The following IDI1 variants were observed in gnomAD, a reference collection of about 807,000 sequenced individuals.
IDI1 encodes the protein isopentenyl-diphosphate delta isomerase 1.
IDI1 carries 23 observed loss-of-function variants against 32.9 expected under a neutral mutation model. That is an observed-to-expected ratio of 0.70 (90% confidence interval 0.50 to 0.99). IDI1 has a LOEUF of 0.99. Ranked by LOEUF, IDI1 falls within the 50% of genes least tolerant of loss-of-function variation. The probability of loss-of-function intolerance (pLI) is 0.00; values close to 1 mark genes in which losing one functional copy is unlikely to be tolerated. For synonymous variants in IDI1, 133 were observed against 128.2 expected, an observed-to-expected ratio of 1.04 and a Z score of -0.25; for missense variants, 326 against 351.9, an observed-to-expected ratio of 0.93 and a Z score of 0.59.
At position 1,048,868 on chromosome 10, in the gene IDI1, T is replaced by C; in HGVS notation, c.136A>G (p.Ile46Val). 1 of 1,606,386 alleles carries C rather than the reference T, an allele frequency of 6.2e-7. No individual in the cohort carries two copies. The highest frequency in any genetic ancestry group is 1.1e-5 in the South Asian group (1 of 90,766). ...TCCGCCGCCCGTCCACAGTACCTGATCAGCCTCCGGCCACAGACAACCGCC... is the reference window on the plus strand; with the variant it reads ...TCCGCCGCCCGTCCACAGTACCTGACCAGCCTCCGGCCACAGACAACCGCC... ...GPAVVCGRRL[I>V]SVLEQIRHFV... The change falls in exon 1 of 5, where the codon ATC becomes GTC. Residue 46 changes from isoleucine (I) to valine (V), a missense_variant. Physicochemically the swap from Ile to Val is conservative, Grantham distance 29. Around this residue, in one of 2 missense-constraint regions of IDI1, gnomAD observed 121 missense variants for 78.4 expected, o/e 1.54. Transcript: ENST00000381344.
chr10:1,056,672 G>T, the IDI1 span: 10 of 152,266 alleles, frequency 6.6e-5, no homozygotes, highest in Admixed American at 3.3e-4. Context: ...TCTTCAGCGC[G>T]CCCAGACCCC....
At chr10:1,051,791 G>A (rs2131589688), upstream of IDI1, among the ~76,000 whole-genome samples, 1 of 152,346 alleles carries the variant, frequency 6.6e-6, no homozygotes, top group East Asian at 1.9e-4. Context: ...TGGGGTGGCT[G>A]TTGCAGTTTC....
At chr10:1,044,227 A>T in intron 1 of IDI1, 56 bp from the exon 2 acceptor site, 1 of 1,347,700 alleles carries the variant, frequency 7.4e-7, no homozygotes, top group South Asian at 1.2e-5. Context: ...TGAATGTCAT[A>T]TAAACACAGG....
upstream of IDI1, among the ~76,000 whole-genome samples, chr10:1,051,831 C>T (rs866965145): frequency 6.6e-6 from 1 of 152,150 alleles, no homozygotes; most frequent in South Asian, 2.1e-4. Flanking sequence ...AAATTTGTCA[C>T]GTTGATTGAC....
intron 4 of IDI1, chr10:1,042,423 A>G (rs1022303414): frequency 3.8e-6 from 2 of 528,048 alleles, no homozygotes; most frequent in Non-Finnish European, 6.9e-6. Flanking sequence ...TAACAGATCA[A>G]TCCATCCCCG....
chr10:1,052,189 A>G (rs373271088), upstream of IDI1, among the ~76,000 whole-genome samples: 9 of 152,346 alleles, frequency 5.9e-5, no homozygotes, highest in South Asian at 8.3e-4. Context: ...TTCCAAAGTT[A>G]GAGTCAATCC....
chr10:1,051,248 T>G (rs1471265484), upstream of IDI1, among the ~76,000 whole-genome samples: 1 of 152,216 alleles, frequency 6.6e-6, no homozygotes, highest in Non-Finnish European at 1.5e-5. Context: ...TCAGAAAAGT[T>G]TTTAAGTATT....
At chr10:1,045,123 T>C (rs934912232) in intron 1 of IDI1, among the ~76,000 whole-genome samples, 3 of 152,264 alleles carry the variant, frequency 2.0e-5, no homozygotes, top group African/African-American at 7.2e-5. Flanking sequence ...CTATAGGCCA[T>C]AGTTGGCCCA....
At chr10:1,043,863 CTATT>C (rs1287080232) in intron 2 of IDI1, 132 bp downstream of exon 2, 3 of 721,112 alleles carry the variant, frequency 4.2e-6, no homozygotes, top group South Asian at 1.7e-5. Flanking sequence ...AATGACCACA[CTATT>C]TAACGAACTG....
chr10:1,048,002 AGACTTTTTGACAT>A (rs1832847231), intron 1 of IDI1, among the ~76,000 whole-genome samples: 1 of 152,250 alleles, frequency 6.6e-6, no homozygotes, highest in African/African-American at 2.4e-5. Flanking sequence ...CATAATTACT[AGACTTTTTGACAT>A]GACTTTTTTT....
At chr10:1,053,017 T>A (rs1833053573), upstream of IDI1, among the ~76,000 whole-genome samples, 1 of 152,236 alleles carries the variant, frequency 6.6e-6, no homozygotes, top group Admixed American at 6.5e-5. Flanking sequence ...TGCACATTTT[T>A]TTTTTTGAGA....
chr10:1,044,235 A>G, intron 1 of IDI1, 64 bp from the exon 2 acceptor site: 1 of 1,253,122 alleles, frequency 8.0e-7, no homozygotes, highest in Non-Finnish European at 1.1e-6. Flanking sequence ...ATATAAACAC[A>G]GGTTAATAAT....
At position 1,041,019 on chromosome 10, in the gene IDI1, T is replaced by C. The variant is rs202243960; in HGVS notation, c.*168A>G. The stretch of plus-strand genomic sequence containing the variant: ...TGTGATACAAAATTATAAGTTAGTT[T>C]TTTCCACACAAGTTTTAAAGTATCA... On this transcript the variant is annotated 3_prime_UTR_variant, in exon 5 of 5. Coordinates refer to ENST00000381344, the MANE Select transcript of IDI1 (RefSeq NM_004508.4). 10,463 of 514,714 alleles carry C rather than the reference T, an allele frequency of 0.02. 650 individuals are homozygous for C. Among genetic ancestry groups the C allele is most frequent in the African/African-American group, 0.15 (8,092 of 52,306 alleles). The allele number at this position is 514,714 out of a possible 1,614,324, so 31.9% of individuals were successfully genotyped here.
chr10:1,045,935 T>C (rs2131580363), intron 1 of IDI1, among the ~76,000 whole-genome samples: 1 of 152,210 alleles, frequency 6.6e-6, no homozygotes, highest in South Asian at 2.1e-4. Flanking sequence ...GAGATATTGA[T>C]ATCTAATACA....
chr10:1,049,133 G>A, upstream of IDI1: 4 of 1,381,710 alleles, frequency 2.9e-6, no homozygotes, highest in South Asian at 1.6e-5. Flanking sequence ...CGTGACCGCG[G>A]GCTCTGGCGC....
At position 1,041,222 on chromosome 10, in the gene IDI1, G is replaced by A; in HGVS notation, c.820C>T (p.Gln274Ter). Residue 274 changes from glutamine (Q) to a stop codon, truncating the protein, a stop_gained, in exon 5 of 5, where the codon CAG becomes TAG. Coordinates refer to ENST00000381344, the MANE Select transcript of IDI1 (RefSeq NM_004508.4). LOFTEE classifies it high-confidence loss of function. ...KWWDNLNHLN[Q>*]FVDHEKIYRM ...TATATTTTCTCATGGTCAACAAACT[G>A]ATTCAAATGATTTAAGTTATCCCAC... 1 of 1,610,322 alleles carries A rather than the reference G, an allele frequency of 6.2e-7. No homozygotes were observed. Among genetic ancestry groups the A allele is most frequent in the Non-Finnish European group, 8.5e-7 (1 of 1,177,196 alleles).
Position 1,043,980 on chromosome 10 carries a change from G to T in IDI1, c.313+19C>A. On this transcript the variant is annotated intron_variant, in intron 2 of 4. Transcript: ENST00000381344. The stretch of plus-strand genomic sequence containing the variant: ...CCTACACAAATCGCTTTACAAGAAA[G>T]ACTGTTTCAAAGCAGCACCTTTCTC... 1 of 1,602,440 alleles carries T rather than the reference G, an allele frequency of 6.2e-7. No individual in the cohort carries two copies. The highest frequency in any genetic ancestry group is 1.1e-5 in the South Asian group (1 of 90,172).
rs1041233816 is a variant in IDI1, at chr10:1,048,691, G to C, written c.140+173C>G. 13 of 1,414,342 alleles carry C rather than the reference G, an allele frequency of 9.2e-6. No homozygotes were observed. In the African/African-American group the frequency reaches 1.9e-4, roughly 21 times the overall value. The allele number at this position is 1,414,342 out of a possible 1,614,324, so 87.6% of individuals were successfully genotyped here. On this transcript the variant is annotated intron_variant, in intron 1 of 4. Transcript: ENST00000381344. ...GCGGGCGCCCACCACAGCCCGGGAA[G>C]GCCCGGCCTCCCTCCAGTTCGGGAG...
chr10:1,047,604 C>T (rs1165087089), intron 1 of IDI1, among the ~76,000 whole-genome samples: 1 of 139,242 alleles, frequency 7.2e-6, no homozygotes, highest in Non-Finnish European at 1.6e-5. Context: ...GCTCCACTGT[C>T]TACACCACAC....
Sources: gnomAD v4.1 joint callset for allele counts (sites outside exome capture counted in the v4.1 genomes callset) on GRCh38, gnomAD v4.1.1 for gene constraint, gnomAD v4.1.1 regional missense constraint, MANE v1.5 for transcripts, NCBI Gene and HGNC (gene_info 2026-07-23, HGNC 2026-07-21) for gene names.